The following RYR3 variants were observed in gnomAD, a reference collection of about 807,000 sequenced individuals.
RYR3 encodes ryanodine receptor 3, also known as brain ryanodine receptor-calcium release channel.
A neutral mutation model predicts 584.3 loss-of-function variants in RYR3; 207 were observed. The ratio of observed to expected loss-of-function variants is 0.35; its 90% CI spans 0.32 to 0.40. RYR3 has a LOEUF of 0.40. Among genes scored for constraint, RYR3 ranks in the 10% least tolerant of loss-of-function variants. The pLI, the probability that RYR3 is intolerant of heterozygous loss-of-function variation, is 1.00. For synonymous variants in RYR3, 2,416 were observed against 2,248.5 expected, an observed-to-expected ratio of 1.07 and a Z score of -2.11; for missense variants, 5,616 against 6,089.2, an observed-to-expected ratio of 0.92 and a Z score of 2.59.
At chr15:33,615,139 G>A (rs576648174) in intron 19 of RYR3, among the ~76,000 whole-genome samples, 1 of 152,230 alleles carries the variant, frequency 6.6e-6, no homozygotes, top group East Asian at 1.9e-4. Flanking sequence ...ACAATCAATT[G>A]AGCAGGAGAC....
intron 3 of RYR3, among the ~76,000 whole-genome samples, chr15:33,518,008 C>T (rs1033714814): frequency 6.6e-5 from 10 of 152,278 alleles, no homozygotes; most frequent in Admixed American, 1.3e-4. Flanking sequence ...GTTTCTAAAT[C>T]TTCTTTTGAT....
At position 33,311,179 on chromosome 15, in the gene RYR3, C is replaced by T. The variant is rs1290791820; in HGVS notation, c.51+83C>T. 6.4e-6 allele frequency: 7 copies of T among 1,093,548 alleles called. No homozygotes were observed. In the Admixed American group the frequency reaches 1.9e-4, roughly 30 times the overall value. 67.7% of individuals were successfully genotyped at this position (1,093,548 alleles called of 1,614,324 possible). Reference sequence around the variant, plus strand: ...GCGAGGAGGGGCTGGCTGCGCTGCGCCGCGGTGCCGGGTGCCCGGTGCCGG... The same window carrying T: ...GCGAGGAGGGGCTGGCTGCGCTGCGTCGCGGTGCCGGGTGCCCGGTGCCGG... On this transcript the variant is annotated intron_variant, in intron 1 of 103. Transcript: ENST00000634891. This position sits in a 1 kb window ranked among gnomAD's most constrained non-coding sequence, Gnocchi z 4.4.
At chr15:33,408,129 A>T (rs1257639101) in intron 1 of RYR3, among the ~76,000 whole-genome samples, 4 of 152,024 alleles carry the variant, frequency 2.6e-5, no homozygotes, top group Non-Finnish European at 4.4e-5. Flanking sequence ...TCAGGTAATG[A>T]GCATAGTACC....
At chr15:33,748,630 A>G (rs1408925339) in intron 55 of RYR3, 100 bp downstream of exon 55, 4 of 992,626 alleles carry the variant, frequency 4.0e-6, no homozygotes, top group Non-Finnish European at 6.2e-6. Flanking sequence ...CCTAGAACAT[A>G]TCACCACTAA....
chr15:33,759,531 G>A (rs899656698), intron 60 of RYR3, among the ~76,000 whole-genome samples: 13 of 152,008 alleles, frequency 8.6e-5, no homozygotes, highest in South Asian at 8.3e-4. Context: ...TCAATCTAGC[G>A]GAAGAAAGGA....
Position 33,704,169 on chromosome 15 carries a change from G to A in RYR3, c.6484-2750G>A, listed in dbSNP as rs183400874. Among the ~76,000 whole-genome samples, 140 of 152,024 alleles carry A rather than the reference G, an allele frequency of 9.2e-4. 7 individuals carry two copies. The East Asian group carries it at 0.015, about 16-fold the overall frequency. On this transcript the variant is annotated intron_variant, in intron 42 of 103. Coordinates refer to ENST00000634891, the MANE Select transcript of RYR3 (RefSeq NM_001036.6). ...GGTGCCTATAGTCCCAGCTACTCAG[G>A]AGGCTGAGGCAGGAGAATTGTTTGA...
chr15:33,611,263 G>A (rs1382913170), intron 18 of RYR3, among the ~76,000 whole-genome samples: 1 of 152,112 alleles, frequency 6.6e-6, no homozygotes, highest in Non-Finnish European at 1.5e-5. Context: ...TGAATAAAAA[G>A]TGTGTGTGTG....
At chr15:33,807,628 G>A in intron 70 of RYR3, 59 bp downstream of exon 70, 2 of 1,499,116 alleles carry the variant, frequency 1.3e-6, no homozygotes, top group South Asian at 2.4e-5. Flanking sequence ...GCCGGGCTCT[G>A]GCCCCCTCTG....
At chr15:33,387,449 C>G (rs2041682866) in intron 1 of RYR3, among the ~76,000 whole-genome samples, 1 of 152,116 alleles carries the variant, frequency 6.6e-6, no homozygotes, top group African/African-American at 2.4e-5. Flanking sequence ...TTCCTAGCAA[C>G]AGGGCACAGG....
chr15:33,712,861 A>G (rs144290322), intron 43 of RYR3, among the ~76,000 whole-genome samples: 3 of 152,314 alleles, frequency 2.0e-5, no homozygotes, highest in East Asian at 3.9e-4. Flanking sequence ...TTTTATGTGT[A>G]AAACAGAGAT....
intron 52 of RYR3, among the ~76,000 whole-genome samples, chr15:33,745,708 A>G (rs2070626024): frequency 1.3e-5 from 2 of 152,240 alleles, no homozygotes; most frequent in South Asian, 4.1e-4. Flanking sequence ...CAATAGGTCC[A>G]GTCTTCCCAG....
intron 27 of RYR3, among the ~76,000 whole-genome samples, chr15:33,641,095 G>C (rs1486445874): frequency 1.3e-5 from 2 of 152,216 alleles, no homozygotes; most frequent in African/African-American, 2.4e-5. Context: ...GTCTCCATCT[G>C]TCTAATCTAG....
intron 43 of RYR3, among the ~76,000 whole-genome samples, chr15:33,712,626 G>T (rs2067205683): frequency 6.6e-6 from 1 of 152,130 alleles, no homozygotes; most frequent in South Asian, 2.1e-4. Context: ...TTCACAGTAG[G>T]TTGCCACAGG....
rs765948802 is a variant in RYR3 at position 33,801,863 on chromosome 15, A to G, written c.9919-6A>G. The G allele has an allele frequency of 2.6e-5, 38 of 1,459,544 alleles. No homozygotes were observed. Among genetic ancestry groups the G allele is most frequent in the South Asian group, 1.6e-4 (13 of 82,670 alleles). The allele number at this position is 1,459,544 out of a possible 1,614,324, so 90.4% of individuals were successfully genotyped here. On this transcript the variant is annotated splice_region_variant and splice_polypyrimidine_tract_variant and intron_variant, in intron 68 of 103. Coordinates refer to ENST00000634891, the MANE Select transcript of RYR3 (RefSeq NM_001036.6). ...ATGTTTGCTGTTTCAATTCTTTCCC[A>G]CTTAGAACTTCAAGAGAGAAGAGCA...
At chr15:33,539,152 A>G (rs1595502108) in intron 5 of RYR3, 198 bp from the exon 6 acceptor site, 1 of 447,668 alleles carries the variant, frequency 2.2e-6, no homozygotes, top group Non-Finnish European at 4.1e-6. Flanking sequence ...GTCTCTAGGG[A>G]AAATGAAAAT....
At chr15:33,492,901 C>T (rs1296921899) in intron 2 of RYR3, among the ~76,000 whole-genome samples, 2 of 152,144 alleles carry the variant, frequency 1.3e-5, no homozygotes, top group African/African-American at 4.8e-5. Flanking sequence ...CAGATTCTCC[C>T]ATCCTGCAGC....
At chr15:33,610,722 G>A (rs1172582778) in intron 18 of RYR3, among the ~76,000 whole-genome samples, 10 of 152,044 alleles carry the variant, frequency 6.6e-5, no homozygotes. Flanking sequence ...TTTGGGTTTG[G>A]GAATATTTGC....
At chr15:33,470,294 G>A (rs1365363899) in intron 1 of RYR3, among the ~76,000 whole-genome samples, 1 of 152,054 alleles carries the variant, frequency 6.6e-6, no homozygotes, top group Non-Finnish European at 1.5e-5. Context: ...AAAGATGGGA[G>A]GTATGGTTAT....
At chr15:33,561,049 G>A (rs1195984513) in intron 10 of RYR3, among the ~76,000 whole-genome samples, 1 of 152,182 alleles carries the variant, frequency 6.6e-6, no homozygotes, top group East Asian at 1.9e-4. Flanking sequence ...TTTTATGAAA[G>A]CTTGAAGGAA....
Sources: gnomAD v4.1 joint callset for allele counts (sites outside exome capture counted in the v4.1 genomes callset) on GRCh38, gnomAD v4.1.1 for gene constraint, Gnocchi (gnomAD v3.1) non-coding constraint, MANE v1.5 for transcripts, NCBI Gene and HGNC (gene_info 2026-07-23, HGNC 2026-07-21) for gene names.